SNW1: variants seen among roughly 807,000 people sequenced by gnomAD.
The protein encoded by SNW1 is SNW domain containing 1.
A neutral mutation model predicts 75.6 loss-of-function variants in SNW1; 9 were observed. That is an observed-to-expected ratio of 0.12 (90% CI 0.07 to 0.21). The LOEUF (loss-of-function observed/expected upper bound fraction) is 0.21. Ranked by LOEUF, SNW1 falls within the 10% of genes least tolerant of loss-of-function variation. The pLI, the probability that SNW1 is intolerant of heterozygous loss-of-function variation, is 1.00. For missense variants in SNW1, 409 were observed against 670.9 expected (o/e 0.61, Z 4.31); for synonymous variants, 200 against 219.1 (o/e 0.91, Z 0.77).
At chr14:77,757,287 T>C (rs143942894) in intron 1 of SNW1, among the ~76,000 whole-genome samples, 102 of 152,094 alleles carry the variant, frequency 6.7e-4, no homozygotes, top group Non-Finnish European at 1.2e-3. Flanking sequence ...TGGAAAAATA[T>C]AGATGCTATG....
At chr14:77,745,164 A>T (rs1206120386) in intron 3 of SNW1, among the ~76,000 whole-genome samples, 1 of 152,190 alleles carries the variant, frequency 6.6e-6, no homozygotes, top group African/African-American at 2.4e-5. Flanking sequence ...AAAGGTGAAG[A>T]CTGCTATGAT....
At chr14:77,732,275 CG>C (rs1340161581) in intron 9 of SNW1, among the ~76,000 whole-genome samples, 2 of 152,110 alleles carry the variant, frequency 1.3e-5, no homozygotes, top group Non-Finnish European at 2.9e-5. Flanking sequence ...GTGAGGGAGC[CG>C]GATCACCACT....
chr14:77,727,573 TTTG>T (rs1209505228), intron 10 of SNW1, among the ~76,000 whole-genome samples: 2 of 152,142 alleles, frequency 1.3e-5, no homozygotes, highest in African/African-American at 4.8e-5. Context: ...CTAAGCCCAC[TTTG>T]TTGAGAGTTT....
chr14:77,745,860 C>CA (rs2080756768), intron 3 of SNW1, among the ~76,000 whole-genome samples: 1 of 151,998 alleles, frequency 6.6e-6, no homozygotes, highest in Admixed American at 6.6e-5. Flanking sequence ...CCTGTCACTA[C>CA]AAAAAATACA....
intron 1 of SNW1, among the ~76,000 whole-genome samples, chr14:77,759,515 A>G (rs181891314): frequency 1.3e-5 from 2 of 152,174 alleles, no homozygotes; most frequent in Admixed American, 1.3e-4. Flanking sequence ...CTATATCAAA[A>G]AATAAAATAA....
chr14:77,760,666 GGGACACCCAGT>G (rs2080881015), intron 1 of SNW1: 1 of 702,152 alleles, frequency 1.4e-6, no homozygotes, highest in Admixed American at 2.0e-5. Flanking sequence ...TCCTTGTTTC[GGGACACCCAGT>G]GGACAGCGAA....
chr14:77,753,199 C>T (rs2080821155), intron 2 of SNW1, among the ~76,000 whole-genome samples: 1 of 152,092 alleles, frequency 6.6e-6, no homozygotes, highest in Non-Finnish European at 1.5e-5. Flanking sequence ...TCTGTTTCAC[C>T]AGGATATATG....
rs969219865 is a variant in SNW1 at position 77,734,852 on chromosome 14, G to A, written c.774+95C>T. 4.4e-5 allele frequency: 35 copies of A among 787,856 alleles called. No individual in the cohort carries two copies. In the African/African-American group the frequency reaches 5.4e-4, roughly 12 times the overall value. 48.8% of individuals were successfully genotyped at this position (787,856 alleles called of 1,614,324 possible). ...TTTTGAAAATGCTCAGTTAAACCAC[G>A]TGTTGTTTCAACTACAGTTATGCAG... On this transcript the variant is annotated intron_variant, in intron 8 of 13. Coordinates refer to ENST00000261531, the MANE Select transcript of SNW1 (RefSeq NM_012245.3).
In SNW1 at chr14:77,720,843, G is replaced by A. The variant is rs753501518; in HGVS notation, c.1131-15C>T. 4 of 1,518,488 alleles carry A rather than the reference G, an allele frequency of 2.6e-6. No individual in the cohort carries two copies. In the Admixed American group the frequency reaches 5.1e-5, roughly 19 times the overall value. The allele number at this position is 1,518,488 out of a possible 1,614,324, so 94.1% of individuals were successfully genotyped here. On this transcript the variant is annotated splice_polypyrimidine_tract_variant and intron_variant, in intron 11 of 13. Transcript: ENST00000261531. ...GAAGTTTCGACCTATTTTGAAATAC[G>A]ACATCACTAACTGAAAACTCTTTAT...
Position 77,718,295 on chromosome 14 carries a change from A to T in SNW1, c.1413-9T>A. On this transcript the variant is annotated splice_polypyrimidine_tract_variant and intron_variant, in intron 13 of 13. Coordinates refer to ENST00000261531, the MANE Select transcript of SNW1 (RefSeq NM_012245.3). Reference sequence around the variant, plus strand: ...CCTTGTCGGGAACAAATCTAAGGAAAAGGAGAAAAAACTATGAACTACTTT... The same window carrying T: ...CCTTGTCGGGAACAAATCTAAGGAATAGGAGAAAAAACTATGAACTACTTT... The T allele has an allele frequency of 1.2e-6, 2 of 1,614,042 alleles. No individual in the cohort carries two copies. Among genetic ancestry groups the T allele is most frequent in the Non-Finnish European group, 1.7e-6 (2 of 1,179,938 alleles).
chr14:77,727,984 T>C (rs566681126), intron 10 of SNW1, among the ~76,000 whole-genome samples: 109 of 152,122 alleles, frequency 7.2e-4, no homozygotes, highest in African/African-American at 2.4e-3. Flanking sequence ...CTTTAAATGT[T>C]TGGAAAAATT....
chr14:77,740,114 A>G (rs1228474494), intron 3 of SNW1, among the ~76,000 whole-genome samples: 1 of 141,022 alleles, frequency 7.1e-6, no homozygotes, highest in Non-Finnish European at 1.5e-5. Flanking sequence ...AGCCTGGGTG[A>G]CAGAGCAAGA....
At chr14:77,741,359 T>A (rs1193830589) in intron 3 of SNW1, among the ~76,000 whole-genome samples, 1 of 151,964 alleles carries the variant, frequency 6.6e-6, no homozygotes, top group Non-Finnish European at 1.5e-5. Context: ...TTTTAAAGAA[T>A]GGATGGATGA....
At chr14:77,736,093 A>G (rs2080669123) in intron 6 of SNW1, 87 bp from the exon 7 acceptor site, 3 of 931,452 alleles carry the variant, frequency 3.2e-6, no homozygotes, top group African/African-American at 1.7e-5. Flanking sequence ...TTCTTGCATA[A>G]AAGTTTCAAA....
intron 8 of SNW1, among the ~76,000 whole-genome samples, chr14:77,733,643 G>C (rs567625211): frequency 2.8e-4 from 42 of 149,900 alleles, no homozygotes; most frequent in Admixed American, 1.9e-3. Context: ...TACTCGGGAG[G>C]CTGAGGTGGG....
At chr14:77,739,119 T>A (rs1224073143) in intron 3 of SNW1, 58 bp from the exon 4 acceptor site, 1 of 1,271,966 alleles carries the variant, frequency 7.9e-7, no homozygotes, top group Non-Finnish European at 1.1e-6. Context: ...AGAAACCTCA[T>A]TAGCCATTTC....
At chr14:77,733,949 T>C in intron 8 of SNW1, 1 of 447,248 alleles carries the variant, frequency 2.2e-6, no homozygotes. Context: ...CATGGTCTCA[T>C]AATAAAATGA....
chr14:77,725,409 A>G (rs2080577265), intron 10 of SNW1, among the ~76,000 whole-genome samples: 1 of 152,240 alleles, frequency 6.6e-6, no homozygotes, highest in South Asian at 2.1e-4. Flanking sequence ...TGTCCAGACC[A>G]ATGTCCTGAA....
chr14:77,729,540 AG>A (rs972367915), intron 10 of SNW1, among the ~76,000 whole-genome samples: 3 of 152,316 alleles, frequency 2.0e-5, no homozygotes, highest in South Asian at 2.1e-4. Context: ...AATATATGTT[AG>A]GGGAAATGGT....
Sources: allele counts gnomAD v4.1 joint callset (sites outside exome capture counted in the v4.1 genomes callset), GRCh38; gene constraint gnomAD v4.1.1; transcripts MANE v1.5; gene names NCBI Gene and HGNC (gene_info 2026-07-23, HGNC 2026-07-21).